DENND1B: variants seen among roughly 807,000 people sequenced by gnomAD.
The protein encoded by DENND1B is DENN domain containing 1B.
A neutral mutation model predicts 90.1 loss-of-function variants in DENND1B; 59 were observed. That is an observed-to-expected ratio of 0.65 (90% CI 0.53 to 0.81). DENND1B has a LOEUF of 0.81. Ranked by LOEUF, DENND1B falls within the 40% of genes least tolerant of loss-of-function variation. DENND1B has a pLI of 0.00. For synonymous variants in DENND1B, 337 were observed against 324.6 expected (o/e 1.04, Z -0.41); for missense variants, 862 against 912.6 (o/e 0.94, Z 0.71).
At chr1:197,536,538 C>G (rs1669919515) in intron 20 of DENND1B, among the ~76,000 whole-genome samples, 1 of 152,070 alleles carries the variant, frequency 6.6e-6, no homozygotes, top group Non-Finnish European at 1.5e-5. Flanking sequence ...ATAGCATGGA[C>G]TCTGGAAGCC....
chr1:197,561,056 AAT>A lies in DENND1B; in HGVS notation c.1150-7946_1150-7945del, dbSNP rs1477681892. Among the ~76,000 whole-genome samples, 3 of 151,942 alleles carry A rather than the reference AAT, an allele frequency of 2.0e-5. No homozygotes were observed. In the East Asian group the frequency reaches 5.8e-4, roughly 29 times the overall value. On this transcript the variant is annotated intron_variant, in intron 15 of 22. Coordinates refer to ENST00000620048, the MANE Select transcript of DENND1B (RefSeq NM_001195215.2). ...TAACAATTTTTCCTTCTCTCTTCTG[AAT>A]ATAGTTTTATTTCTTAACTAGATCT...
At chr1:197,550,911 A>C (rs1400849918) in intron 16 of DENND1B, among the ~76,000 whole-genome samples, 4 of 152,080 alleles carry the variant, frequency 2.6e-5, no homozygotes, top group East Asian at 1.9e-4. Flanking sequence ...TGCTCAATAA[A>C]TATGAGCAAT....
At chr1:197,698,812 A>G (rs1419685415) in intron 3 of DENND1B, among the ~76,000 whole-genome samples, 1 of 152,184 alleles carries the variant, frequency 6.6e-6, no homozygotes, top group African/African-American at 2.4e-5. Context: ...AAAATCTAGA[A>G]GAAATGGATA....
Position 197,642,759 on chromosome 1 carries a change from A to G in DENND1B, c.624T>C (p.Ser208=), listed in dbSNP as rs200108172. ...DVNNMLQLYA[S]MLHERRIVII... is the part of the protein sequence containing the mutation. ...TCACGATGCGCCTTTCATGCAGCAT[A>G]CTGGCATACAGCTGCAGCATGTTGT... is the stretch of plus-strand genomic sequence containing the variant. Residue 208 remains serine, a synonymous_variant, in exon 10 of 23, where the codon AGT becomes AGC. Coordinates refer to ENST00000620048, the MANE Select transcript of DENND1B (RefSeq NM_001195215.2). The G allele has an allele frequency of 2.0e-5, 32 of 1,613,746 alleles. 1 individual carries two copies. The highest frequency in any genetic ancestry group is 2.1e-5 in the Non-Finnish European group (25 of 1,179,798).
At chr1:197,658,747 A>G (rs1331627623) in intron 5 of DENND1B, among the ~76,000 whole-genome samples, 1 of 151,310 alleles carries the variant, frequency 6.6e-6, no homozygotes, top group Non-Finnish European at 1.5e-5. Flanking sequence ...ATCTCCTTTT[A>G]ATATGTTACT....
At chr1:197,679,808 G>GTT (rs56246204) in intron 3 of DENND1B, among the ~76,000 whole-genome samples, 16 of 92,022 alleles carry the variant, frequency 1.7e-4, no homozygotes, top group East Asian at 3.2e-4. Context: ...TCCAAGGGTT[G>GTT]TTTTTTTTTT....
chr1:197,595,744 C>T (rs1463054327), intron 13 of DENND1B, among the ~76,000 whole-genome samples: 3 of 151,942 alleles, frequency 2.0e-5, no homozygotes, highest in Non-Finnish European at 2.9e-5. Context: ...GGATCACTTA[C>T]CATTTAATTT....
intron 15 of DENND1B, among the ~76,000 whole-genome samples, chr1:197,568,225 A>G (rs1672856030): frequency 6.6e-6 from 1 of 152,192 alleles, no homozygotes; most frequent in Non-Finnish European, 1.5e-5. Flanking sequence ...CTATCCAAAA[A>G]GAAAGCAAGA....
chr1:197,555,470 G>C (rs1003503510), intron 15 of DENND1B, among the ~76,000 whole-genome samples: 1 of 151,858 alleles, frequency 6.6e-6, no homozygotes, highest in East Asian at 1.9e-4. Flanking sequence ...ATCCAACAAA[G>C]GACTAATATC....
At chr1:197,528,215 T>TA (rs1669284448) in intron 20 of DENND1B, among the ~76,000 whole-genome samples, 1 of 152,150 alleles carries the variant, frequency 6.6e-6, no homozygotes, top group Non-Finnish European at 1.5e-5. Context: ...TTATTATATA[T>TA]AAAAATAAAC....
intron 3 of DENND1B, among the ~76,000 whole-genome samples, chr1:197,678,945 AGT>A (rs1656369311): frequency 6.6e-6 from 1 of 152,156 alleles, no homozygotes; most frequent in East Asian, 1.9e-4. Flanking sequence ...ACTTTTACGT[AGT>A]GTTTTTGTTA....
rs1223886811 is a variant in DENND1B at position 197,505,692 on chromosome 1, A to G, written c.*4768T>C. The G allele has an allele frequency of 2.6e-5, 3 of 116,746 alleles. No individual in the cohort carries two copies. Among genetic ancestry groups the G allele is most frequent in the Non-Finnish European group, 3.7e-5 (2 of 54,602 alleles). The allele number at this position is 116,746 out of a possible 1,614,324, so 7.2% of individuals were successfully genotyped here. On this transcript the variant is annotated 3_prime_UTR_variant, in exon 23 of 23. Coordinates refer to ENST00000620048, the MANE Select transcript of DENND1B (RefSeq NM_001195215.2). The stretch of plus-strand genomic sequence containing the variant: ...AAATCTATAGAAGCTCTAAGATTAA[A>G]CAAACTGTACATCATACAAAAAATT...
At chr1:197,747,961 A>G (rs1571600909) in intron 2 of DENND1B, among the ~76,000 whole-genome samples, 1 of 152,232 alleles carries the variant, frequency 6.6e-6, no homozygotes, top group Non-Finnish European at 1.5e-5. Flanking sequence ...CAATGAAACC[A>G]TAAGAGGCTA....
intron 18 of DENND1B, among the ~76,000 whole-genome samples, chr1:197,542,662 G>T (rs1670420710): frequency 6.6e-6 from 1 of 152,194 alleles, no homozygotes; most frequent in East Asian, 1.9e-4. Flanking sequence ...ACAGAAATTA[G>T]GAGTTTTATT....
Position 197,775,305 on chromosome 1 carries a change from C to T in DENND1B, c.-150G>A, listed in dbSNP as rs902493532. 1.9e-6 allele frequency: 1 copy of T among 530,354 alleles called. No homozygotes were observed. Among genetic ancestry groups the T allele is most frequent in the Non-Finnish European group, 2.8e-6 (1 of 352,724 alleles). The allele number at this position is 530,354 out of a possible 1,614,324, so 32.9% of individuals were successfully genotyped here. A position where few individuals can be genotyped will look rare whatever the true frequency, so the allele number is the denominator to read the frequency against. Reference sequence around the variant, plus strand: ...CTCACAGCAGCCGTGGCGGCGGGCCCATGTCGGCTGCGCCCCCGGCACTTC... The same window carrying T: ...CTCACAGCAGCCGTGGCGGCGGGCCTATGTCGGCTGCGCCCCCGGCACTTC... On this transcript the variant is annotated 5_prime_UTR_variant, in exon 1 of 23. The change abolishes an upstream ATG in the 5' untranslated region. Transcript: ENST00000620048.
In DENND1B at chr1:197,754,632, C is replaced by T. The variant is rs1282973807; in HGVS notation, c.82+18236G>A. On this transcript the variant is annotated intron_variant, in intron 2 of 22. Transcript: ENST00000620048. ...AAGATCGTGCTACGCCGCACTCTAG[C>T]CTGGGCAACAATGCGAGACTCTGTC... Among the ~76,000 whole-genome samples, 3 of 124,186 alleles carry T rather than the reference C, an allele frequency of 2.4e-5. No homozygotes were observed. In the East Asian group the frequency reaches 7.0e-4, roughly 29 times the overall value. The allele number at this position is 124,186 out of a possible 152,430, so 81.5% of individuals were successfully genotyped here.
intron 5 of DENND1B, among the ~76,000 whole-genome samples, chr1:197,660,979 A>G (rs1170219130): frequency 1.3e-5 from 2 of 152,082 alleles, no homozygotes; most frequent in Non-Finnish European, 2.9e-5. Context: ...AGACTGAATC[A>G]GGAATGAAGG....
At chr1:197,757,125 T>C (rs1326143102) in intron 2 of DENND1B, among the ~76,000 whole-genome samples, 1 of 152,104 alleles carries the variant, frequency 6.6e-6, no homozygotes, top group Non-Finnish European at 1.5e-5. Flanking sequence ...ACCTTCTATT[T>C]AAAAGCATAT....
chr1:197,660,464 T>C (rs973843820), intron 5 of DENND1B, among the ~76,000 whole-genome samples: 5 of 151,820 alleles, frequency 3.3e-5, no homozygotes, highest in Non-Finnish European at 7.4e-5. Context: ...AGGAAAGAAA[T>C]GAATGAAAGT....
Sources: allele counts gnomAD v4.1 joint callset (sites outside exome capture counted in the v4.1 genomes callset), GRCh38; gene constraint gnomAD v4.1.1; transcripts MANE v1.5; gene names NCBI Gene and HGNC (gene_info 2026-07-23, HGNC 2026-07-21).